LRP1B: variants seen among roughly 807,000 people sequenced by gnomAD.
The protein encoded by LRP1B is LDL receptor related protein 1B.
LRP1B carries 217 observed loss-of-function variants against 556.6 expected under a neutral mutation model. The observed-to-expected ratio is 0.39, with a 90% CI of 0.35 to 0.44. The LOEUF is 0.44. Ranked by LOEUF, LRP1B falls within the 20% of genes least tolerant of loss-of-function variation. The probability of loss-of-function intolerance (pLI) is 1.00; values close to 1 mark genes in which losing one functional copy is unlikely to be tolerated. For missense variants in LRP1B, 5,053 were observed against 5,620.8 expected, an observed-to-expected ratio of 0.90 and a Z score of 3.23; for synonymous variants, 2,047 against 1,865.8, an observed-to-expected ratio of 1.10 and a Z score of -2.50.
chr2:141,482,441 T>A (rs557790385), intron 2 of LRP1B, among the ~76,000 whole-genome samples: 2 of 152,100 alleles, frequency 1.3e-5, no homozygotes, highest in African/African-American at 4.8e-5. Flanking sequence ...ACTCATTTTC[T>A]GTAACATGCT....
chr2:140,276,027 C>A (rs371247362), intron 84 of LRP1B, among the ~76,000 whole-genome samples: 1 of 151,690 alleles, frequency 6.6e-6, no homozygotes, highest in South Asian at 2.1e-4. Flanking sequence ...ATAAATGATC[C>A]TATGCAAAAT....
At chr2:140,541,703 T>C in intron 44 of LRP1B, 76 bp downstream of exon 44, 2 of 1,110,564 alleles carry the variant, frequency 1.8e-6, no homozygotes, top group Non-Finnish European at 2.5e-6. Context: ...CAACTATTAC[T>C]AGAAAACATA....
Position 140,925,200 on chromosome 2 carries a change from T to G in LRP1B, c.3137-2053A>C, listed in dbSNP as rs1047731537. 4.6e-5 allele frequency among the ~76,000 whole-genome samples: 7 copies of G among 152,088 alleles called. 1 individual carries two copies. Among genetic ancestry groups the G allele is most frequent in the Admixed American group, 3.9e-4 (6 of 15,236 alleles). Reference sequence around the variant, plus strand: ...GATATCTTCAGGGTCCTGAAACCAATCCCCAGTGTATATGGAGGAATGACT... The same window carrying G: ...GATATCTTCAGGGTCCTGAAACCAAGCCCCAGTGTATATGGAGGAATGACT... On this transcript the variant is annotated intron_variant, in intron 20 of 90. Transcript: ENST00000389484.
Position 140,804,099 on chromosome 2 carries a change from T to C in LRP1B, c.5359+9558A>G, listed in dbSNP as rs1344272109. On this transcript the variant is annotated intron_variant, in intron 32 of 90. Transcript: ENST00000389484. ...AAAAAAAAATCTGCACTTGACAACA[T>C]GTAAAGCGGACTTGCATTGTAGGAA... 3.3e-5 allele frequency among the ~76,000 whole-genome samples: 5 copies of C among 151,698 alleles called. No homozygotes were observed. The South Asian group carries it at 6.2e-4, about 19-fold the overall frequency.
rs1056723361 is a variant in LRP1B, at chr2:140,903,969, T to C, written c.3521-804A>G. Among the ~76,000 whole-genome samples, 4 of 152,194 alleles carry C rather than the reference T, an allele frequency of 2.6e-5. No homozygotes were observed. The East Asian group carries it at 7.7e-4, about 29-fold the overall frequency. On this transcript the variant is annotated intron_variant, in intron 22 of 90. Transcript: ENST00000389484. ...TTACATATATAATGTGATTAGCTTG[T>C]AAAAAAGATTAGCTTTTTAAATAGC...
intron 3 of LRP1B, among the ~76,000 whole-genome samples, chr2:141,369,762 AG>A (rs1689161729): frequency 6.6e-6 from 1 of 152,170 alleles, no homozygotes; most frequent in African/African-American, 2.4e-5. Flanking sequence ...TCATCACTGA[AG>A]CAATGCACAT....
chr2:141,699,268 C>T (rs952994486), intron 2 of LRP1B, among the ~76,000 whole-genome samples: 2 of 151,802 alleles, frequency 1.3e-5, no homozygotes, highest in Non-Finnish European at 2.9e-5. Context: ...TTTAAGTTCC[C>T]CAGGTGATTA....
rs569059391 is a variant in LRP1B at position 140,441,431 on chromosome 2, G to C, written c.10414+1073C>G. Among the ~76,000 whole-genome samples the C allele has an allele frequency of 5.9e-5, 9 of 152,210 alleles. No homozygotes were observed. The South Asian group carries it at 1.0e-3, about 18-fold the overall frequency. ...ATTATGAAAACAAATTCTACAAAGTGGCAAATGGTAGTTTTATGATACTGT... is the reference window on the plus strand; with the variant it reads ...ATTATGAAAACAAATTCTACAAAGTCGCAAATGGTAGTTTTATGATACTGT... On this transcript the variant is annotated intron_variant, in intron 66 of 90. Transcript: ENST00000389484.
rs778637482 is a variant in LRP1B, at chr2:140,841,081, T to A, written c.4951A>T (p.Ile1651Phe). Residue 1651 changes from isoleucine to phenylalanine, a missense_variant, in exon 30 of 91, where the codon ATC (isoleucine) becomes TTC (phenylalanine). Physicochemically the swap from Ile to Phe is conservative, Grantham distance 21 (BLOSUM62 0). Coordinates refer to ENST00000389484, the MANE Select transcript of LRP1B (RefSeq NM_018557.3). The stretch of plus-strand genomic sequence containing the variant: ...ACCCAATCCACTGCTAGCCCTCTGA[T>A]ACTCTGAATATCTATAAAACAGGAA... Reference protein sequence around the residue: ...ETVISRDIQSIRGLAVDWVSR... With the variant: ...ETVISRDIQSFRGLAVDWVSR... The A allele has an allele frequency of 2.5e-6, 4 of 1,606,474 alleles. No individual in the cohort carries two copies. The South Asian group carries it at 4.4e-5, about 18-fold the overall frequency.
intron 1 of LRP1B, among the ~76,000 whole-genome samples, chr2:141,961,578 AG>A (rs1216679016): frequency 1.1e-3 from 172 of 151,834 alleles, no homozygotes; most frequent in African/African-American, 3.9e-3. Flanking sequence ...TACAACAGTA[AG>A]AAAGTGAGAT....
intron 1 of LRP1B, among the ~76,000 whole-genome samples, chr2:142,040,946 C>T (rs2105214835): frequency 6.6e-6 from 1 of 151,424 alleles, no homozygotes; most frequent in Middle Eastern, 3.4e-3. Flanking sequence ...GAGTAGCTAT[C>T]AACCTCAGCA....
chr2:140,983,430 T>C (rs1007013686), intron 17 of LRP1B, among the ~76,000 whole-genome samples: 4 of 152,132 alleles, frequency 2.6e-5, no homozygotes, highest in Non-Finnish European at 4.4e-5. Flanking sequence ...AACCATTGTT[T>C]GTCTCATCAA....
chr2:142,070,765 T>C (rs1394586664), intron 1 of LRP1B, among the ~76,000 whole-genome samples: 1 of 151,938 alleles, frequency 6.6e-6, no homozygotes, highest in Non-Finnish European at 1.5e-5. Flanking sequence ...CATTTCCTTA[T>C]GAAGGATTAG....
chr2:141,645,787 AAAC>A (rs1188115609), intron 2 of LRP1B, among the ~76,000 whole-genome samples: 1 of 152,052 alleles, frequency 6.6e-6, no homozygotes, highest in Non-Finnish European at 1.5e-5. Context: ...GTAGTTTTTC[AAAC>A]AACGTCAAGG....
At chr2:141,607,053 GC>G (rs1475756002) in intron 2 of LRP1B, among the ~76,000 whole-genome samples, 1 of 151,010 alleles carries the variant, frequency 6.6e-6, no homozygotes, top group East Asian at 1.9e-4. Context: ...TGTGTGGCCA[GC>G]TTTTTGAATA....
intron 32 of LRP1B, among the ~76,000 whole-genome samples, chr2:140,786,985 T>G (rs1689927807): frequency 6.6e-6 from 1 of 152,058 alleles, no homozygotes; most frequent in South Asian, 2.1e-4. Flanking sequence ...TAGAGTTCAT[T>G]CAATGAAAAC....
At chr2:140,252,090 C>CAAA (rs1681459751) in intron 86 of LRP1B, among the ~76,000 whole-genome samples, 1 of 27,212 alleles carries the variant, frequency 3.7e-5, no homozygotes, top group African/African-American at 1.4e-4. Flanking sequence ...AAAAAAAAAA[C>CAAA]CCAAAAAACA....
chr2:140,402,228 G>T (rs1684536939), intron 66 of LRP1B, among the ~76,000 whole-genome samples: 1 of 152,188 alleles, frequency 6.6e-6, no homozygotes, highest in South Asian at 2.1e-4. Context: ...CAGGCCTTGG[G>T]TTCCATATCT....
At chr2:141,725,949 T>C (rs1340008403) in intron 2 of LRP1B, among the ~76,000 whole-genome samples, 1 of 151,832 alleles carries the variant, frequency 6.6e-6, no homozygotes, top group Non-Finnish European at 1.5e-5. Flanking sequence ...TAAAATAAGG[T>C]ATTTGTATGT....
Sources: gnomAD v4.1 joint callset for allele counts (sites outside exome capture counted in the v4.1 genomes callset) on GRCh38, gnomAD v4.1.1 for gene constraint, MANE v1.5 for transcripts, NCBI Gene and HGNC (gene_info 2026-07-23, HGNC 2026-07-21) for gene names.